The following HIVEP3 variants were observed in gnomAD, a reference collection of about 807,000 sequenced individuals.
HIVEP3 encodes transcription factor HIVEP3.
Under a neutral mutation model 152.8 loss-of-function variants are expected in HIVEP3, and 49 were observed. The observed-to-expected ratio is 0.32, with a 90% CI of 0.26 to 0.41. The LOEUF (loss-of-function observed/expected upper bound fraction) is 0.41, where lower values mean the gene tolerates loss of function less well. HIVEP3 is among the 10% of genes least tolerant of loss of function. The pLI, the probability that HIVEP3 is intolerant of heterozygous loss-of-function variation, is 1.00. For missense variants in HIVEP3, 2,790 were observed against 3,103.3 expected, an observed-to-expected ratio of 0.90 and a Z score of 2.40; for synonymous variants, 1,269 against 1,289.0, an observed-to-expected ratio of 0.98 and a Z score of 0.33.
At chr1:41,821,754 C>T (rs1348481892) in intron 1 of HIVEP3, among the ~76,000 whole-genome samples, 1 of 152,222 alleles carries the variant, frequency 6.6e-6, no homozygotes, top group Non-Finnish European at 1.5e-5. Context: ...CATCATTTGT[C>T]CAGTCTGGTC....
chr1:41,950,588 A>G (rs1645100959), intron 1 of HIVEP3, among the ~76,000 whole-genome samples: 1 of 152,202 alleles, frequency 6.6e-6, no homozygotes, highest in Non-Finnish European at 1.5e-5. Context: ...CTTCCCCTCT[A>G]TTCTCACAGG....
intron 1 of HIVEP3, among the ~76,000 whole-genome samples, chr1:41,830,830 T>C (rs1243565816): frequency 6.6e-6 from 1 of 152,142 alleles, no homozygotes; most frequent in Non-Finnish European, 1.5e-5. Context: ...CCTGTGACAG[T>C]GGGTACCAGG....
intron 1 of HIVEP3, among the ~76,000 whole-genome samples, chr1:41,966,471 T>C (rs1036968851): frequency 9.3e-6 from 1 of 107,406 alleles, no homozygotes; most frequent in Admixed American, 9.4e-5. Flanking sequence ...CAGTGTGCTG[T>C]ATTCTTTTTT....
chr1:41,891,963 T>A (rs890164500), intron 1 of HIVEP3, among the ~76,000 whole-genome samples: 1 of 152,242 alleles, frequency 6.6e-6, no homozygotes, highest in Admixed American at 6.5e-5. Context: ...AAGAGCTGCC[T>A]GTTTCCCTAT....
chr1:41,850,204 A>G (rs1462697969), intron 1 of HIVEP3, among the ~76,000 whole-genome samples: 15 of 152,182 alleles, frequency 9.9e-5, no homozygotes, highest in Non-Finnish European at 1.3e-4. Context: ...TTTGAGAACC[A>G]CTGGTCTACC....
At chr1:41,935,772 A>C (rs1319972439) in intron 1 of HIVEP3, among the ~76,000 whole-genome samples, 1 of 147,614 alleles carries the variant, frequency 6.8e-6, no homozygotes, top group African/African-American at 2.5e-5. Flanking sequence ...TATAATATAT[A>C]TAAAATAAAC....
intron 7 of HIVEP3, among the ~76,000 whole-genome samples, chr1:41,514,399 G>A (rs1354844702): frequency 6.6e-6 from 1 of 152,174 alleles, no homozygotes; most frequent in African/African-American, 2.4e-5. Flanking sequence ...AGTCACACTG[G>A]CTGGTCCAGC....
At chr1:41,794,637 A>G (rs568417255) in intron 1 of HIVEP3, among the ~76,000 whole-genome samples, 5 of 152,340 alleles carry the variant, frequency 3.3e-5, no homozygotes, top group Admixed American at 2.6e-4. Flanking sequence ...TTTATTTTTA[A>G]AAACTGCCAT....
chr1:42,015,674 C>T (rs534813788), intron 1 of HIVEP3, among the ~76,000 whole-genome samples: 4 of 152,362 alleles, frequency 2.6e-5, no homozygotes, highest in South Asian at 2.1e-4. Context: ...TGGTGCCACA[C>T]AAGAACCAGA....
Position 41,711,732 on chromosome 1 carries a change from G to C in HIVEP3, c.-800-10737C>G, listed in dbSNP as rs926274853. Among the ~76,000 whole-genome samples the C allele has an allele frequency of 7.9e-5, 12 of 152,198 alleles. No individual in the cohort carries two copies. The East Asian group carries it at 2.1e-3, about 27-fold the overall frequency. The stretch of plus-strand genomic sequence containing the variant: ...GGCTGTCTCCCGATGCCAGAGACAG[G>C]CTCTCTGTGTTGAGCGGCCCGAGTG... On this transcript the variant is annotated intron_variant, in intron 1 of 8. Transcript: ENST00000372583.
At chr1:41,974,804 C>G (rs1451151726) in intron 1 of HIVEP3, among the ~76,000 whole-genome samples, 1 of 152,100 alleles carries the variant, frequency 6.6e-6, no homozygotes, top group Admixed American at 6.5e-5. Flanking sequence ...GAGGCCGTAC[C>G]TATGGTAGTC....
At chr1:41,805,291 T>C (rs1055764829) in intron 1 of HIVEP3, among the ~76,000 whole-genome samples, 3 of 152,224 alleles carry the variant, frequency 2.0e-5, no homozygotes, top group Non-Finnish European at 1.5e-5. Context: ...GAGCCGAGAT[T>C]ATGCCACTGC....
intron 1 of HIVEP3, among the ~76,000 whole-genome samples, chr1:41,867,554 G>A (rs145654563): frequency 2.9e-4 from 44 of 152,232 alleles, no homozygotes; most frequent in Non-Finnish European, 5.7e-4. Flanking sequence ...GTACTAGGCC[G>A]CAGGATGGCC....
rs540932709 is a variant in HIVEP3, at chr1:41,907,335, A to T, written c.-801+11078T>A. On this transcript the variant is annotated intron_variant, in intron 1 of 8. Transcript: ENST00000372583. ...GAAAAGGAGGTAGAGAGGACAGAGG[A>T]AGCCAATGCCCTACTACTCTGCGGT... Among the ~76,000 whole-genome samples, 350 of 152,252 alleles carry T rather than the reference A, an allele frequency of 2.3e-3. 2 individuals carry two copies. Among genetic ancestry groups the T allele is most frequent in the Non-Finnish European group, 3.0e-3 (207 of 68,010 alleles).
chr1:41,524,704 AG>A, intron 6 of HIVEP3, 30 bp downstream of exon 6: 1 of 1,594,302 alleles, frequency 6.3e-7, no homozygotes, highest in Non-Finnish European at 8.6e-7. Context: ...TGCAGCGGGC[AG>A]GGGCAGTGCC....
Position 41,583,022 on chromosome 1 carries a change from T to A in HIVEP3, c.1776A>T (p.Ala592=). 1 of 1,614,036 alleles carries A rather than the reference T, an allele frequency of 6.2e-7. No individual in the cohort carries two copies. Among genetic ancestry groups the A allele is most frequent in the Admixed American group, 1.7e-5 (1 of 60,006 alleles). ...ATTCCCCTCCCAAAGGTAATTCGAT[T>A]GCCGGCTGGCGCTTCAGCATCCGGG... ...SHPRMLKRQP[A]IELPLGGEYS... The change falls in exon 4 of 9, where the codon GCA becomes GCT. Residue 592 remains alanine, a synonymous_variant. Coordinates refer to ENST00000372583, the MANE Select transcript of HIVEP3 (RefSeq NM_024503.5). The surrounding 1 kb of genome is among the most constrained non-coding windows in gnomAD (Gnocchi z 6.9).
intron 1 of HIVEP3, among the ~76,000 whole-genome samples, chr1:41,987,374 A>T (rs968692454): frequency 2.0e-5 from 3 of 152,130 alleles, no homozygotes; most frequent in East Asian, 3.8e-4. Flanking sequence ...GTAAAATTTT[A>T]AAAAATAAAA....
At chr1:41,657,892 C>T (rs1164643980) in intron 2 of HIVEP3, among the ~76,000 whole-genome samples, 2 of 152,292 alleles carry the variant, frequency 1.3e-5, no homozygotes, top group East Asian at 3.9e-4. Context: ...AGATGGAAGG[C>T]CTGCCTGACT....
At chr1:41,647,467 A>G (rs1645477695) in intron 2 of HIVEP3, among the ~76,000 whole-genome samples, 2 of 152,238 alleles carry the variant, frequency 1.3e-5, no homozygotes, top group African/African-American at 2.4e-5. Context: ...CTGCAAGAGC[A>G]GAAGCAGAGC....
Sources: allele counts gnomAD v4.1 joint callset (sites outside exome capture counted in the v4.1 genomes callset), GRCh38; gene constraint gnomAD v4.1.1; non-coding constraint Gnocchi (gnomAD v3.1); transcripts MANE v1.5; gene names NCBI Gene and HGNC (gene_info 2026-07-23, HGNC 2026-07-21).